The following TRIO variants were observed in gnomAD, a reference collection of about 807,000 sequenced individuals.
TRIO encodes triple functional domain protein.
A neutral mutation model predicts 351.9 loss-of-function variants in TRIO; 58 were observed. That is an observed-to-expected ratio of 0.16 (90% confidence interval 0.13 to 0.21). The LOEUF is 0.21. TRIO is among the 10% of genes least tolerant of loss of function. TRIO has a pLI of 1.00. For synonymous variants in TRIO, 1,758 were observed against 1,595.7 expected, an observed-to-expected ratio of 1.10 and a Z score of -2.42; for missense variants, 3,201 against 4,027.8, an observed-to-expected ratio of 0.79 and a Z score of 5.56.
chr5:14,318,481 GCC>G (rs1364873687), intron 9 of TRIO, among the ~76,000 whole-genome samples: 1 of 150,692 alleles, frequency 6.6e-6, no homozygotes, highest in Non-Finnish European at 1.5e-5. Context: ...AGACTGAATG[GCC>G]CTGTAATTTT....
At chr5:14,389,631 G>T (rs1746872043) in intron 25 of TRIO, among the ~76,000 whole-genome samples, 1 of 152,148 alleles carries the variant, frequency 6.6e-6, no homozygotes, top group Non-Finnish European at 1.5e-5. Context: ...GGAAAACTAT[G>T]AAAATATTTT....
chr5:14,471,157 G>GT (rs1488153708), intron 37 of TRIO, among the ~76,000 whole-genome samples, 161 bp from the exon 38 acceptor site: 2 of 151,808 alleles, frequency 1.3e-5, no homozygotes, highest in South Asian at 2.1e-4. Flanking sequence ...TAATAGTTGG[G>GT]TTTTTTGTGT....
chr5:14,285,629 A>C (rs1646965075), intron 3 of TRIO, among the ~76,000 whole-genome samples: 2 of 152,142 alleles, frequency 1.3e-5, no homozygotes, highest in African/African-American at 4.8e-5. Flanking sequence ...TATTTGCATT[A>C]CTTAATGATA....
intron 1 of TRIO, among the ~76,000 whole-genome samples, chr5:14,156,399 G>A (rs1328188806): frequency 6.6e-6 from 1 of 152,138 alleles, no homozygotes; most frequent in East Asian, 1.9e-4. Flanking sequence ...TCAGTAGACA[G>A]AGCTAAGAAG....
intron 46 of TRIO, among the ~76,000 whole-genome samples, chr5:14,484,545 A>T (rs73063514): frequency 0.013 from 1,906 of 152,334 alleles, 43 homozygotes; most frequent in African/African-American, 0.043. Context: ...TTCAGGATTG[A>T]GTTAGGATGA....
chr5:14,245,769 C>G (rs1333920985), intron 1 of TRIO, among the ~76,000 whole-genome samples: 1 of 152,210 alleles, frequency 6.6e-6, no homozygotes, highest in Non-Finnish European at 1.5e-5. Context: ...TATTCTGGCC[C>G]GTGCCACAGA....
At position 14,492,601 on chromosome 5, in the gene TRIO, T is replaced by C. The variant is rs1756569627; in HGVS notation, c.7667T>C (p.Met2556Thr). The C allele has an allele frequency of 6.2e-7, 1 of 1,614,206 alleles. No individual in the cohort carries two copies. Among genetic ancestry groups the C allele is most frequent in the South Asian group, 1.1e-5 (1 of 91,086 alleles). The stretch of plus-strand genomic sequence containing the variant: ...AGCAGCAGTAGCAACATCTCCACCA[T>C]GTTGGTGACACACGATTACACGGCA... ...ESSSSSNIST[M>T]LVTHDYTAVK... is the part of the protein sequence containing the mutation. The change falls in exon 49 of 57, where the codon ATG (methionine) becomes ACG (threonine). Residue 2556 changes from methionine to threonine, a missense_variant. Physicochemically the swap from Met to Thr is moderately conservative, Grantham distance 81 (BLOSUM62 -1). Transcript: ENST00000344204.
chr5:14,461,245 C>G lies in TRIO; in HGVS notation c.5430C>G (p.Ala1810=), dbSNP rs1204853943. The G allele has an allele frequency of 1.9e-6, 3 of 1,590,274 alleles. No homozygotes were observed. The highest frequency in any genetic ancestry group is 1.3e-5 in the African/African-American group (1 of 74,640). Residue 1810 remains alanine, a synonymous_variant, in exon 35 of 57, where the codon GCC becomes GCG. Coordinates refer to ENST00000344204, the MANE Select transcript of TRIO (RefSeq NM_007118.4). ...HKKSREVRKS[A]DAGSQKDSDD... ...AGAGCCGCGAGGTCCGCAAGAGCGCCGACGCCGGCTCGCAGAAGGACTCCG... is the reference window on the plus strand; with the variant it reads ...AGAGCCGCGAGGTCCGCAAGAGCGCGGACGCCGGCTCGCAGAAGGACTCCG...
intron 48 of TRIO, among the ~76,000 whole-genome samples, chr5:14,489,682 G>T (rs1756331068): frequency 6.6e-6 from 1 of 152,190 alleles, no homozygotes; most frequent in African/African-American, 2.4e-5. Context: ...ACTGCTCCAA[G>T]ACAGGAGCCA....
At chr5:14,425,063 A>G (rs1031836517) in intron 34 of TRIO, among the ~76,000 whole-genome samples, 20 of 152,338 alleles carry the variant, frequency 1.3e-4, no homozygotes, top group African/African-American at 4.6e-4. Context: ...AAAACTGGTA[A>G]ACTCCACATA....
intron 28 of TRIO, among the ~76,000 whole-genome samples, chr5:14,396,766 G>A (rs889414065): frequency 2.0e-5 from 3 of 151,710 alleles, no homozygotes; most frequent in Admixed American, 6.6e-5. Flanking sequence ...CACCACACCC[G>A]GCCTCTGTTT....
chr5:14,222,943 T>C (rs936245428), intron 1 of TRIO, among the ~76,000 whole-genome samples: 5 of 152,214 alleles, frequency 3.3e-5, no homozygotes, highest in South Asian at 2.1e-4. Flanking sequence ...AAGTTCCTGA[T>C]TGAGGGCGTC....
chr5:14,288,406 C>T (rs367780201), intron 4 of TRIO, among the ~76,000 whole-genome samples: 6 of 152,238 alleles, frequency 3.9e-5, no homozygotes, highest in African/African-American at 1.4e-4. Flanking sequence ...TGGTGGCTCA[C>T]GCCTGTAATC....
At chr5:14,337,866 C>T (rs1302651066) in intron 11 of TRIO, among the ~76,000 whole-genome samples, 1 of 152,154 alleles carries the variant, frequency 6.6e-6, no homozygotes, top group Non-Finnish European at 1.5e-5. Context: ...CTCAGTCCTG[C>T]CCCGGGCTGG....
chr5:14,390,017 AAC>A (rs1746907205), intron 25 of TRIO, among the ~76,000 whole-genome samples: 1 of 152,186 alleles, frequency 6.6e-6, no homozygotes, highest in South Asian at 2.1e-4. Context: ...ATGCTCAGTG[AAC>A]ACACTAGCAC....
At chr5:14,398,129 T>C (rs1747769389) in intron 29 of TRIO, among the ~76,000 whole-genome samples, 1 of 152,156 alleles carries the variant, frequency 6.6e-6, no homozygotes, top group Non-Finnish European at 1.5e-5. Flanking sequence ...AGTGCTTATT[T>C]TGAGCAGCCC....
At chr5:14,280,939 G>A (rs1227096174) in intron 3 of TRIO, among the ~76,000 whole-genome samples, 1 of 152,188 alleles carries the variant, frequency 6.6e-6, no homozygotes, top group Non-Finnish European at 1.5e-5. Flanking sequence ...TTGGTAATGG[G>A]AATTTTTAGC....
In TRIO at chr5:14,304,520, G is replaced by A; in HGVS notation, c.1428G>A (p.Glu476=). 2 of 1,614,156 alleles carry A rather than the reference G, an allele frequency of 1.2e-6. No individual in the cohort carries two copies. Among genetic ancestry groups the A allele is most frequent in the Non-Finnish European group, 1.7e-6 (2 of 1,180,006 alleles). ...GCGGTGAGGTAGACCTTCCCTCAGA[G>A]CTGCAGGACCTAGAAGATGCCATTC... ...KACGEVDLPS[E]LQDLEDAIHH... The change falls in exon 8 of 57, where the codon GAG becomes GAA. Residue 476 remains glutamate (E), a synonymous_variant. Coordinates refer to ENST00000344204, the MANE Select transcript of TRIO (RefSeq NM_007118.4).
chr5:14,486,666 C>T (rs1364333073), intron 47 of TRIO, among the ~76,000 whole-genome samples: 1 of 152,174 alleles, frequency 6.6e-6, no homozygotes, highest in Middle Eastern at 3.2e-3. Context: ...TTACTTGACA[C>T]CCACTCAGTT....
Sources: allele counts gnomAD v4.1 joint callset (sites outside exome capture counted in the v4.1 genomes callset), GRCh38; gene constraint gnomAD v4.1.1; transcripts MANE v1.5; gene names NCBI Gene and HGNC (gene_info 2026-07-23, HGNC 2026-07-21).